The following GRIK4 variants were observed in gnomAD, a reference collection of about 807,000 sequenced individuals.
GRIK4 encodes glutamate receptor ionotropic, kainate 4.
GRIK4 carries 40 observed loss-of-function variants against 104.9 expected under a neutral mutation model. The observed-to-expected ratio is 0.38, with a 90% CI of 0.30 to 0.50. The LOEUF (loss-of-function observed/expected upper bound fraction) is 0.50, where lower values mean the gene tolerates loss of function less well. GRIK4 is among the 20% of genes least tolerant of loss of function. The probability of loss-of-function intolerance (pLI) is 0.93; values close to 1 mark genes in which losing one functional copy is unlikely to be tolerated. For missense variants in GRIK4, 1,047 were observed against 1,308.1 expected (o/e 0.80, Z 3.08); for synonymous variants, 485 against 524.9 (o/e 0.92, Z 1.04).
At chr11:120,656,971 G>A (rs970036442) in intron 2 of GRIK4, among the ~76,000 whole-genome samples, 1 of 152,140 alleles carries the variant, frequency 6.6e-6, no homozygotes, top group African/African-American at 2.4e-5. Flanking sequence ...TTTACACAGG[G>A]TAATCTGACA....
intron 3 of GRIK4, among the ~76,000 whole-genome samples, chr11:120,787,337 A>G (rs1952300875): frequency 6.6e-6 from 1 of 152,208 alleles, no homozygotes; most frequent in Non-Finnish European, 1.5e-5. Context: ...TCAAAAAAAC[A>G]AAAACAGAAA....
intron 7 of GRIK4, among the ~76,000 whole-genome samples, chr11:120,836,224 G>C (rs1953572058): frequency 6.6e-6 from 1 of 152,144 alleles, no homozygotes; most frequent in Non-Finnish European, 1.5e-5. Context: ...GCCTGGATTT[G>C]CTTTTATCTT....
At position 120,836,802 on chromosome 11, in the gene GRIK4, T is replaced by C. The variant is rs1188894819; in HGVS notation, c.702T>C (p.Leu234=). ...SHTILLKAAE[L]GMVSAYYTYI... is the part of the protein sequence containing the mutation. Reference sequence around the variant, plus strand: ...TCTTCGCCTTGCAGGCAGCCGAACTTGGGATGGTGTCAGCCTATTACACAT... The same window carrying C: ...TCTTCGCCTTGCAGGCAGCCGAACTCGGGATGGTGTCAGCCTATTACACAT... The change falls in exon 8 of 21, where the codon CTT becomes CTC. Residue 234 remains leucine, a synonymous_variant. Coordinates refer to ENST00000527524, the MANE Select transcript of GRIK4 (RefSeq NM_014619.5). 2 of 1,607,992 alleles carry C rather than the reference T, an allele frequency of 1.2e-6. No homozygotes were observed. The highest frequency in any genetic ancestry group is 2.7e-5 in the African/African-American group (2 of 74,832).
chr11:120,849,804 A>G (rs138770280), intron 8 of GRIK4, among the ~76,000 whole-genome samples: 1 of 152,330 alleles, frequency 6.6e-6, no homozygotes, highest in African/African-American at 2.4e-5. Flanking sequence ...TTGTGTGACA[A>G]ATTACCACAA....
At chr11:120,941,641 TA>T (rs1943727974) in intron 14 of GRIK4, among the ~76,000 whole-genome samples, 1 of 152,112 alleles carries the variant, frequency 6.6e-6, no homozygotes, top group Non-Finnish European at 1.5e-5. Context: ...GACGTCCTTA[TA>T]AAAAGAAGGG....
intron 1 of GRIK4, among the ~76,000 whole-genome samples, chr11:120,563,521 G>A (rs1948266937): frequency 6.6e-6 from 1 of 152,162 alleles, no homozygotes; most frequent in South Asian, 2.1e-4. Context: ...CCAAAAGCGG[G>A]TTCAGCTTTT....
intron 1 of GRIK4, among the ~76,000 whole-genome samples, chr11:120,520,250 C>G (rs1048712013): frequency 2.0e-5 from 3 of 152,226 alleles, no homozygotes; most frequent in Non-Finnish European, 4.4e-5. Flanking sequence ...GAGGCCAATG[C>G]TCATTTCCAG....
intron 3 of GRIK4, among the ~76,000 whole-genome samples, chr11:120,735,140 TCAATGTTGGG>T (rs1951198629): frequency 6.6e-6 from 1 of 152,168 alleles, no homozygotes; most frequent in East Asian, 1.9e-4. Flanking sequence ...TAGATGTTTG[TCAATGTTGGG>T]CATTGAGCAG....
chr11:120,631,974 A>G (rs1259643893), intron 1 of GRIK4, among the ~76,000 whole-genome samples: 2 of 152,324 alleles, frequency 1.3e-5, no homozygotes, highest in Non-Finnish European at 2.9e-5. Context: ...TTGAGCAGTC[A>G]GGGGCAAGCT....
chr11:120,652,037 TG>T (rs1481264839), intron 1 of GRIK4, among the ~76,000 whole-genome samples: 4 of 152,314 alleles, frequency 2.6e-5, no homozygotes, highest in South Asian at 4.2e-4. Flanking sequence ...ATTTCCCCGC[TG>T]AGTGACCTTG....
At chr11:120,675,524 G>T (rs556538719) in intron 3 of GRIK4, among the ~76,000 whole-genome samples, 9 of 152,296 alleles carry the variant, frequency 5.9e-5, no homozygotes, top group African/African-American at 2.2e-4. Flanking sequence ...CACAGGTGAA[G>T]TAGCATGCAC....
At chr11:120,649,214 G>A (rs1949584392) in intron 1 of GRIK4, among the ~76,000 whole-genome samples, 1 of 152,144 alleles carries the variant, frequency 6.6e-6, no homozygotes, top group Admixed American at 6.5e-5. Context: ...CCACACACCT[G>A]GGAGGGCTGA....
intron 13 of GRIK4, among the ~76,000 whole-genome samples, chr11:120,915,380 G>A (rs999225224): frequency 9.9e-5 from 15 of 152,266 alleles, no homozygotes; most frequent in South Asian, 4.2e-4. Flanking sequence ...TGGCAGTTTC[G>A]TGACTGCAGC....
chr11:120,699,889 C>G (rs910279790), intron 3 of GRIK4, among the ~76,000 whole-genome samples: 11 of 152,210 alleles, frequency 7.2e-5, no homozygotes, highest in Non-Finnish European at 1.6e-4. Flanking sequence ...AGGGCCGCAG[C>G]AGCAGGAGAT....
chr11:120,659,897 A>G (rs1949782124), intron 2 of GRIK4, among the ~76,000 whole-genome samples: 2 of 151,876 alleles, frequency 1.3e-5, no homozygotes, highest in South Asian at 4.2e-4. Flanking sequence ...ATGCCCACCT[A>G]ATTTTTGTAT....
chr11:120,628,935 G>A (rs1199362761), intron 1 of GRIK4, among the ~76,000 whole-genome samples: 1 of 152,176 alleles, frequency 6.6e-6, no homozygotes, highest in Non-Finnish European at 1.5e-5. Context: ...CGCTGTGCTA[G>A]GACACTCAGA....
chr11:120,604,266 A>G (rs1024706417), intron 1 of GRIK4, among the ~76,000 whole-genome samples: 4 of 151,992 alleles, frequency 2.6e-5, no homozygotes, highest in Non-Finnish European at 4.4e-5. Flanking sequence ...CCTGCCACAA[A>G]GAATGATCTG....
chr11:120,606,170 G>GCC, intron 1 of GRIK4, among the ~76,000 whole-genome samples: 1 of 152,158 alleles, frequency 6.6e-6, no homozygotes, highest in South Asian at 2.1e-4. Context: ...GATATGTTTT[G>GCC]ACGCCTCATT....
chr11:120,758,481 C>T (rs1233979193), intron 3 of GRIK4, among the ~76,000 whole-genome samples: 4 of 152,140 alleles, frequency 2.6e-5, no homozygotes, highest in Admixed American at 1.3e-4. Flanking sequence ...TATATATTCA[C>T]CTCTTAGAGG....
Sources: allele counts gnomAD v4.1 joint callset (sites outside exome capture counted in the v4.1 genomes callset), GRCh38; gene constraint gnomAD v4.1.1; transcripts MANE v1.5; gene names NCBI Gene and HGNC (gene_info 2026-07-23, HGNC 2026-07-21).